AP2B1: variants seen among roughly 807,000 people sequenced by gnomAD.
AP2B1 encodes adaptor related protein complex 2 subunit beta 1.
A neutral mutation model predicts 102.0 loss-of-function variants in AP2B1; 23 were observed. The ratio of observed to expected loss-of-function variants is 0.23; its 90% CI spans 0.16 to 0.32. AP2B1 has a LOEUF of 0.32. AP2B1 is among the 10% of genes least tolerant of loss of function. The probability of loss-of-function intolerance (pLI) is 1.00; values close to 1 mark genes in which losing one functional copy is unlikely to be tolerated. For synonymous variants in AP2B1, 381 were observed against 421.2 expected (o/e 0.90, Z 1.17); for missense variants, 541 against 1,157.4 (o/e 0.47, Z 7.73).
intron 10 of AP2B1, among the ~76,000 whole-genome samples, chr17:35,636,915 T>C (rs2074622891): frequency 6.6e-6 from 1 of 152,226 alleles, no homozygotes; most frequent in Admixed American, 6.5e-5. Context: ...TTACTTTGCA[T>C]GTTACCTACT....
chr17:35,635,377 CTTTGTTTTGT>C (rs151078152), intron 9 of AP2B1, among the ~76,000 whole-genome samples: 2 of 151,610 alleles, frequency 1.3e-5, no homozygotes, highest in Non-Finnish European at 2.9e-5. Context: ...TTTTGTTTTG[CTTTGTTTTGT>C]TTTGTTTTGT....
chr17:35,641,527 A>C (rs922868814), intron 11 of AP2B1, among the ~76,000 whole-genome samples: 1 of 152,180 alleles, frequency 6.6e-6, no homozygotes, highest in African/African-American at 2.4e-5. Context: ...ACAATGAGCT[A>C]TGGATGTGCA....
At chr17:35,715,497 A>G (rs1555589433) in intron 20 of AP2B1, among the ~76,000 whole-genome samples, 1 of 152,218 alleles carries the variant, frequency 6.6e-6, no homozygotes, top group East Asian at 1.9e-4. Context: ...TTTCCTGGGA[A>G]ATGGGCAAGG....
intron 5 of AP2B1, among the ~76,000 whole-genome samples, chr17:35,614,094 C>T (rs1252691036): frequency 6.6e-6 from 1 of 152,114 alleles, no homozygotes; most frequent in Non-Finnish European, 1.5e-5. Flanking sequence ...TAGGGGTATT[C>T]AAACCTCAGT....
At position 35,717,305 on chromosome 17, in the gene AP2B1, A is replaced by G. The variant is rs2076568159; in HGVS notation, c.2737A>G (p.Ile913Val). 3 of 1,614,178 alleles carry G rather than the reference A, an allele frequency of 1.9e-6. No homozygotes were observed. In the East Asian group the frequency reaches 6.7e-5, roughly 36 times the overall value. Residue 913 changes from isoleucine to valine, a missense_variant, in exon 21 of 22, where the codon ATT becomes GTT. Around this residue, in one of 10 missense-constraint regions of AP2B1, gnomAD observed 117 missense variants for 206.7 expected, o/e 0.57. Coordinates refer to ENST00000610402, the MANE Select transcript of AP2B1 (RefSeq NM_001030006.2). ...CCTGAAGCTCACTAATGGCATTTGG[A>G]TTTTGGCCGAACTACGTATCCAGCC... is the stretch of plus-strand genomic sequence containing the variant. ...QSLKLTNGIW[I>V]LAELRIQPGN...
At chr17:35,629,064 T>G (rs551557380) in intron 9 of AP2B1, among the ~76,000 whole-genome samples, 1 of 152,286 alleles carries the variant, frequency 6.6e-6, no homozygotes, top group South Asian at 2.1e-4. Flanking sequence ...CTCTTATGCC[T>G]CAGCCTCCTG....
chr17:35,614,540 C>T (rs1257154339), intron 5 of AP2B1, among the ~76,000 whole-genome samples: 2 of 151,298 alleles, frequency 1.3e-5, no homozygotes, highest in Non-Finnish European at 2.9e-5. Flanking sequence ...TGGTTTACTG[C>T]GTAGCCCCTT....
intron 17 of AP2B1, among the ~76,000 whole-genome samples, chr17:35,680,700 G>GTTTTTTTTTTTTTTTTTTTTTT (rs1176447688): frequency 7.8e-6 from 1 of 128,920 alleles, no homozygotes; most frequent in African/African-American, 2.9e-5. Context: ...TTTTTTTTTT[G>GTTTTTTTTTTTTTTTTTTTTTT]TTTTTTTTTT....
chr17:35,674,430 A>G (rs2075656095), intron 17 of AP2B1, 109 bp downstream of exon 17: 3 of 1,319,228 alleles, frequency 2.3e-6, no homozygotes, highest in Admixed American at 3.7e-5. Flanking sequence ...TGGGCCAGGT[A>G]CAGTGGCTCA....
At chr17:35,686,839 G>T (rs145000983) in intron 18 of AP2B1, among the ~76,000 whole-genome samples, 2 of 152,136 alleles carry the variant, frequency 1.3e-5, no homozygotes, top group Non-Finnish European at 2.9e-5. Context: ...GGTGGCAGGT[G>T]CCTGTAGTCC....
intron 14 of AP2B1, among the ~76,000 whole-genome samples, chr17:35,669,102 C>A (rs1021897637): frequency 6.6e-6 from 1 of 150,562 alleles, no homozygotes; most frequent in East Asian, 1.9e-4. Flanking sequence ...CTATTCCCTT[C>A]ACACTTTTCT....
At position 35,628,390 on chromosome 17, in the gene AP2B1, C is replaced by T. The variant is rs866397946; in HGVS notation, c.1155+664C>T. ...GCCAAGGTGAGAGGACTGCTTGAGCCCAGCAGTTTGAGACCACCCTAGGCA... is the reference window on the plus strand; with the variant it reads ...GCCAAGGTGAGAGGACTGCTTGAGCTCAGCAGTTTGAGACCACCCTAGGCA... On this transcript the variant is annotated intron_variant, in intron 9 of 21. Coordinates refer to ENST00000610402, the MANE Select transcript of AP2B1 (RefSeq NM_001030006.2). Among the ~76,000 whole-genome samples, 15 of 152,220 alleles carry T rather than the reference C, an allele frequency of 9.9e-5. No homozygotes were observed. In the Middle Eastern group the frequency reaches 0.034, roughly 345 times the overall value.
intron 3 of AP2B1, among the ~76,000 whole-genome samples, chr17:35,602,261 A>C (rs1394087912): frequency 6.6e-6 from 1 of 152,216 alleles, no homozygotes; most frequent in African/African-American, 2.4e-5. Context: ...ATACTTATGT[A>C]ATTAGGCACT....
At chr17:35,672,715 AG>A (rs1226750366) in intron 16 of AP2B1, among the ~76,000 whole-genome samples, 2 of 152,246 alleles carry the variant, frequency 1.3e-5, no homozygotes. Context: ...CTTTGTTGTA[AG>A]GTTTACTATA....
chr17:35,638,675 G>A (rs2074678797), intron 10 of AP2B1, among the ~76,000 whole-genome samples: 1 of 151,684 alleles, frequency 6.6e-6, no homozygotes, highest in Non-Finnish European at 1.5e-5. Context: ...TGTAGTCCCA[G>A]CTACTCGGGA....
At position 35,717,241 on chromosome 17, in the gene AP2B1, C is replaced by T; in HGVS notation, c.2673C>T (p.Ala891=). 2 of 1,614,112 alleles carry T rather than the reference C, an allele frequency of 1.2e-6. No homozygotes were observed. Among genetic ancestry groups the T allele is most frequent in the Non-Finnish European group, 1.7e-6 (2 of 1,179,988 alleles). ...AAAACAACAATGTTTATACTATTGC[C>T]AAGAGGAATGTGGAAGGGCAGGACA... The part of the protein sequence containing the change: ...KLQNNNVYTI[A]KRNVEGQDML... Residue 891 remains alanine, a synonymous_variant, in exon 21 of 22, where the codon GCC becomes GCT. Coordinates refer to ENST00000610402, the MANE Select transcript of AP2B1 (RefSeq NM_001030006.2).
chr17:35,600,903 G>T lies in AP2B1; in HGVS notation c.143+2568G>T, dbSNP rs111540406. 12 of 667,162 alleles carry T rather than the reference G, an allele frequency of 1.8e-5. No homozygotes were observed. The East Asian group carries it at 8.1e-4, about 45-fold the overall frequency. 41.3% of individuals were successfully genotyped at this position (667,162 alleles called of 1,614,324 possible). A position where few individuals can be genotyped will look rare whatever the true frequency, so the allele number is the denominator to read the frequency against. ...GGGGAGCCCAGATAGAAATGGCAGC[G>T]TAGGAAATGACTCTGTATCTTCTCT... On this transcript the variant is annotated intron_variant, in intron 3 of 21. Coordinates refer to ENST00000610402, the MANE Select transcript of AP2B1 (RefSeq NM_001030006.2).
chr17:35,605,619 G>A (rs2073648878), intron 3 of AP2B1, 86 bp from the exon 4 acceptor site: 1 of 890,478 alleles, frequency 1.1e-6, no homozygotes, highest in Non-Finnish European at 1.8e-6. Flanking sequence ...TCAAATCACT[G>A]TTAGTTAAGG....
intron 13 of AP2B1, among the ~76,000 whole-genome samples, chr17:35,656,728 A>C (rs2075232930): frequency 6.8e-6 from 1 of 147,758 alleles, no homozygotes; most frequent in South Asian, 2.1e-4. Flanking sequence ...CTAAAAATAC[A>C]AAAAAAATTA....
Sources: gnomAD v4.1 joint callset for allele counts (sites outside exome capture counted in the v4.1 genomes callset) on GRCh38, gnomAD v4.1.1 for gene constraint, gnomAD v4.1.1 regional missense constraint, MANE v1.5 for transcripts, NCBI Gene and HGNC (gene_info 2026-07-23, HGNC 2026-07-21) for gene names.